PBX1: variants seen among roughly 807,000 people sequenced by gnomAD.
PBX1 encodes PBX homeobox 1.
Under a neutral mutation model 53.4 loss-of-function variants are expected in PBX1, and 6 were observed. The ratio of observed to expected loss-of-function variants is 0.11; its 90% CI spans 0.06 to 0.22. The LOEUF (loss-of-function observed/expected upper bound fraction) is 0.22. Ranked by LOEUF, PBX1 falls within the 10% of genes least tolerant of loss-of-function variation. The pLI is 1.00. For missense variants in PBX1, 251 were observed against 551.4 expected (o/e 0.46, Z 5.46); for synonymous variants, 204 against 212.3 (o/e 0.96, Z 0.34).
chr1:164,873,461 C>T (rs1169501872), intron 2 of PBX1, among the ~76,000 whole-genome samples: 3 of 152,218 alleles, frequency 2.0e-5, no homozygotes, highest in Admixed American at 6.5e-5. Context: ...ACTTGTTTTT[C>T]ATGAATTCAT....
At chr1:164,827,482 C>A (rs1670527340) in intron 8 of PBX1, among the ~76,000 whole-genome samples, 2 of 152,058 alleles carry the variant, frequency 1.3e-5, no homozygotes, top group Admixed American at 1.3e-4. Context: ...TGTGGCAGAC[C>A]AGACTGTATA....
At chr1:164,768,137 A>G (rs1667165831) in intron 2 of PBX1, among the ~76,000 whole-genome samples, 1 of 152,144 alleles carries the variant, frequency 6.6e-6, no homozygotes, top group Non-Finnish European at 1.5e-5. Context: ...AGTAAAAAAA[A>G]CCTAACATTG....
chr1:164,763,904 TACTAA>T, intron 2 of PBX1, among the ~76,000 whole-genome samples: 1 of 152,346 alleles, frequency 6.6e-6, no homozygotes, highest in Middle Eastern at 3.4e-3. Context: ...TGCTCCAGGC[TACTAA>T]ATTCACATTC....
At chr1:164,640,752 T>G (rs1485003523) in intron 2 of PBX1, among the ~76,000 whole-genome samples, 1 of 151,938 alleles carries the variant, frequency 6.6e-6, no homozygotes, top group East Asian at 1.9e-4. Flanking sequence ...GAGACGGGGT[T>G]TCACCATGTT....
intron 2 of PBX1, among the ~76,000 whole-genome samples, chr1:164,652,890 G>C (rs1471809715): frequency 6.8e-6 from 1 of 148,130 alleles, no homozygotes; most frequent in East Asian, 2.0e-4. Flanking sequence ...TTTTTTTTCG[G>C]ACAGAGTCTC....
chr1:164,616,042 A>G (rs552206794), intron 2 of PBX1, among the ~76,000 whole-genome samples: 1 of 152,214 alleles, frequency 6.6e-6, no homozygotes, highest in African/African-American at 2.4e-5. Context: ...AAAATTCAGG[A>G]TATGTCTATG....
At chr1:164,717,317 C>T (rs551186272) in intron 2 of PBX1, among the ~76,000 whole-genome samples, 1 of 152,054 alleles carries the variant, frequency 6.6e-6, no homozygotes, top group Non-Finnish European at 1.5e-5. Context: ...TCTTTGGAGA[C>T]TTTTATTTGC....
At chr1:164,674,713 AACTACCC>A (rs1382551234) in intron 2 of PBX1, 1 of 152,148 alleles carries the variant, frequency 6.6e-6, no homozygotes, top group Non-Finnish European at 1.5e-5. Context: ...AGGGGAGCAA[AACTACCC>A]ACTCTACCAA....
At chr1:164,734,568 G>A (rs548632068) in intron 2 of PBX1, among the ~76,000 whole-genome samples, 4 of 152,180 alleles carry the variant, frequency 2.6e-5, no homozygotes, top group Non-Finnish European at 5.9e-5. Flanking sequence ...TAACAAACAT[G>A]TATGGAGTGC....
At chr1:164,834,643 C>G (rs1197385716) in intron 8 of PBX1, among the ~76,000 whole-genome samples, 1 of 152,172 alleles carries the variant, frequency 6.6e-6, no homozygotes, top group Non-Finnish European at 1.5e-5. Flanking sequence ...CTATACCCGG[C>G]CAGCCCTATT....
At chr1:164,776,942 GGAGAGAGAGAGAGAGA>G (rs377054240) in intron 2 of PBX1, among the ~76,000 whole-genome samples, 3 of 43,520 alleles carry the variant, frequency 6.9e-5, no homozygotes, top group African/African-American at 3.3e-4. Context: ...TGTGGTGGGA[GGAGAGAGAGAGAGAGA>G]GAGAGAGAGA....
At chr1:164,670,517 G>C (rs368956039) in intron 2 of PBX1, among the ~76,000 whole-genome samples, 1 of 152,118 alleles carries the variant, frequency 6.6e-6, no homozygotes, top group Non-Finnish European at 1.5e-5. Flanking sequence ...CTGCTGCTAC[G>C]GCCTTTCCTT....
At chr1:164,827,402 A>C (rs1176632413) in intron 8 of PBX1, among the ~76,000 whole-genome samples, 1 of 152,188 alleles carries the variant, frequency 6.6e-6, no homozygotes, top group African/African-American at 2.4e-5. Context: ...TTCTGGTGCT[A>C]TGACCAGGAA....
intron 2 of PBX1, among the ~76,000 whole-genome samples, chr1:164,615,336 A>G (rs1026526473): frequency 3.9e-5 from 6 of 152,190 alleles, no homozygotes; most frequent in African/African-American, 1.4e-4. Context: ...ACCACAAGGA[A>G]TTTTTAAATA....
At chr1:164,646,730 T>G (rs899656363) in intron 2 of PBX1, among the ~76,000 whole-genome samples, 1 of 152,240 alleles carries the variant, frequency 6.6e-6, no homozygotes, top group African/African-American at 2.4e-5. Context: ...ATTTCAGGAT[T>G]GAGTAGATTG....
intron 2 of PBX1, among the ~76,000 whole-genome samples, chr1:164,878,399 G>A (rs1339154175): frequency 1.3e-5 from 2 of 152,104 alleles, no homozygotes; most frequent in Non-Finnish European, 2.9e-5. Flanking sequence ...CTCAATATCA[G>A]GTTAATAAAA....
intron 2 of PBX1, among the ~76,000 whole-genome samples, chr1:164,885,163 G>T (rs1232587359): frequency 6.6e-6 from 1 of 152,172 alleles, no homozygotes; most frequent in Non-Finnish European, 1.5e-5. Flanking sequence ...AGCTACAAAA[G>T]TGTGGGGCCT....
chr1:164,849,142 G>A lies in PBX1; in HGVS notation c.*2466G>A. 1 of 1,387,258 alleles carries A rather than the reference G, an allele frequency of 7.2e-7. No homozygotes were observed. The highest frequency in any genetic ancestry group is 9.3e-7 in the Non-Finnish European group (1 of 1,070,882). The allele number at this position is 1,387,258 out of a possible 1,614,324, so 85.9% of individuals were successfully genotyped here. On this transcript the variant is annotated 3_prime_UTR_variant, in exon 9 of 9. Transcript: ENST00000420696. ...GACTTAGGGCAAAGTACGAAAGAGA[G>A]ACAAAAGGGTTCTCTTGGAAACAAG...
chr1:164,832,248 G>A (rs12133458), intron 8 of PBX1, among the ~76,000 whole-genome samples: 9,537 of 152,182 alleles, frequency 0.063, 308 homozygotes, highest in African/African-American at 0.078. Context: ...TTTGGAGACC[G>A]AATGATATGG....
Sources: gnomAD v4.1 joint callset for allele counts (sites outside exome capture counted in the v4.1 genomes callset) on GRCh38, gnomAD v4.1.1 for gene constraint, MANE v1.5 for transcripts, NCBI Gene and HGNC (gene_info 2026-07-23, HGNC 2026-07-21) for gene names.